Variants in NRXN1 observed in about 807,000 individuals in gnomAD.
NRXN1 encodes the protein neurexin 1.
NRXN1 carries 39 observed loss-of-function variants against 150.9 expected under a neutral mutation model. The observed-to-expected ratio is 0.26, with a 90% confidence interval of 0.20 to 0.34. NRXN1 has a LOEUF of 0.34. Among genes scored for constraint, NRXN1 ranks in the 10% least tolerant of loss-of-function variants. NRXN1 has a pLI of 1.00. For synonymous variants in NRXN1, 924 were observed against 757.0 expected (o/e 1.22, Z -3.62); for missense variants, 1,815 against 1,949.9 (o/e 0.93, Z 1.30).
chr2:50,924,225 A>G (rs2052328), intron 3 of NRXN1, among the ~76,000 whole-genome samples: 2 of 151,634 alleles, frequency 1.3e-5, no homozygotes, highest in South Asian at 2.1e-4. Flanking sequence ...TGCTACATCA[A>G]TAAGGATGGA....
intron 2 of NRXN1, 151 bp downstream of exon 2, chr2:51,027,351 G>C: frequency 1.3e-6 from 1 of 753,754 alleles, no homozygotes; most frequent in Admixed American, 3.6e-5. Flanking sequence ...GAGGTGGTAA[G>C]GTAGAGAGTC....
intron 17 of NRXN1, among the ~76,000 whole-genome samples, chr2:50,364,919 C>T (rs1469668350): frequency 6.6e-6 from 1 of 151,632 alleles, no homozygotes; most frequent in African/African-American, 2.4e-5. Flanking sequence ...TGCAAGAGAC[C>T]CCCAAACACA....
intron 5 of NRXN1, chr2:50,898,646 A>G (rs779811614): frequency 3.7e-5 from 16 of 435,974 alleles, no homozygotes; most frequent in Non-Finnish European, 4.1e-5. Flanking sequence ...TCTACAATCT[A>G]AATTCCCACA....
rs910540556 is a variant in NRXN1, at chr2:50,988,395, T to C, written c.772+39107A>G. On this transcript the variant is annotated intron_variant, in intron 2 of 22. Transcript: ENST00000401669. ...TGATGAAGTGAACAGTATGGCTTCA[T>C]GGCTTTTACTACTATGACAAACTAG... 2.6e-5 allele frequency among the ~76,000 whole-genome samples: 4 copies of C among 151,992 alleles called. No homozygotes were observed. In the South Asian group the frequency reaches 6.2e-4, roughly 24 times the overall value.
At chr2:50,247,814 C>T (rs531134759) in intron 17 of NRXN1, among the ~76,000 whole-genome samples, 9 of 152,224 alleles carry the variant, frequency 5.9e-5, no homozygotes, top group African/African-American at 2.2e-4. Flanking sequence ...TAAGGTCTGA[C>T]TCTTACTTAA....
At chr2:50,847,455 G>A (rs1673830004) in intron 5 of NRXN1, among the ~76,000 whole-genome samples, 1 of 151,980 alleles carries the variant, frequency 6.6e-6, no homozygotes. Flanking sequence ...GAGTGTGGTC[G>A]CTTTAAATGA....
At chr2:50,197,465 A>T (rs1279290136) in intron 18 of NRXN1, among the ~76,000 whole-genome samples, 1 of 152,166 alleles carries the variant, frequency 6.6e-6, no homozygotes, top group Non-Finnish European at 1.5e-5. Context: ...TCACCTTTTC[A>T]TTCACTTGAA....
chr2:50,346,868 C>A lies in NRXN1; in HGVS notation c.3365-109898G>T, dbSNP rs1221890401. 1.8e-5 allele frequency: 25 copies of A among 1,391,150 alleles called. No homozygotes were observed. The Middle Eastern group carries it at 6.8e-4, about 38-fold the overall frequency. The allele number at this position is 1,391,150 out of a possible 1,614,324, so 86.2% of individuals were successfully genotyped here. On this transcript the variant is annotated intron_variant, in intron 17 of 22. Coordinates refer to ENST00000401669, the MANE Select transcript of NRXN1 (RefSeq NM_001330078.2). This position sits in a 1 kb window ranked among gnomAD's most constrained non-coding sequence, Gnocchi z 5.0. Reference sequence around the variant, plus strand: ...ATCCAAAGCAGGGCCAGGCGCCCCCCTGCGCCGCCGCCGCCGCCGCCGCCG... The same window carrying A: ...ATCCAAAGCAGGGCCAGGCGCCCCCATGCGCCGCCGCCGCCGCCGCCGCCG...
chr2:50,094,963 G>A (rs1407227132), intron 18 of NRXN1, among the ~76,000 whole-genome samples: 2 of 152,106 alleles, frequency 1.3e-5, no homozygotes, highest in African/African-American at 2.4e-5. Context: ...TATAGGCTAA[G>A]CTCAACTAGA....
At chr2:50,330,572 A>G (rs1558539259) in intron 17 of NRXN1, among the ~76,000 whole-genome samples, 1 of 152,200 alleles carries the variant, frequency 6.6e-6, no homozygotes, top group South Asian at 2.1e-4. Flanking sequence ...CATTAAAAAA[A>G]TCCCCACAGT....
Position 50,587,555 on chromosome 2 carries a change from G to A in NRXN1, c.1320+32467C>T, listed in dbSNP as rs143144527. Among the ~76,000 whole-genome samples, 52 of 152,172 alleles carry A rather than the reference G, an allele frequency of 3.4e-4. 3 individuals carry two copies. ...ACTGAAAACCAAGACTCATACCATC[G>A]GTGATATGCTAGGTGAAGTTAAGTG... is the stretch of plus-strand genomic sequence containing the variant. On this transcript the variant is annotated intron_variant, in intron 8 of 22. Transcript: ENST00000401669.
intron 5 of NRXN1, among the ~76,000 whole-genome samples, chr2:50,816,040 A>T (rs1668883539): frequency 6.6e-6 from 1 of 152,316 alleles, no homozygotes; most frequent in South Asian, 2.1e-4. Context: ...CTTAAGTATA[A>T]TTAGTGCAAC....
chr2:50,718,137 C>G (rs996224821), intron 5 of NRXN1, among the ~76,000 whole-genome samples: 2 of 152,132 alleles, frequency 1.3e-5, no homozygotes, highest in Non-Finnish European at 2.9e-5. Context: ...AAAGGCAGCA[C>G]AGCATAGGTT....
At chr2:50,852,305 G>A (rs1369715863) in intron 5 of NRXN1, among the ~76,000 whole-genome samples, 1 of 152,162 alleles carries the variant, frequency 6.6e-6, no homozygotes, top group Non-Finnish European at 1.5e-5. Flanking sequence ...GGCAAAAAAG[G>A]CAAGAGGGAA....
At chr2:50,786,984 TATGCAAAGATGA>T (rs1173514239) in intron 5 of NRXN1, among the ~76,000 whole-genome samples, 1 of 152,110 alleles carries the variant, frequency 6.6e-6, no homozygotes, top group Non-Finnish European at 1.5e-5. Context: ...GCAAATGCAA[TATGCAAAGATGA>T]ATGCATTTAC....
intron 5 of NRXN1, among the ~76,000 whole-genome samples, chr2:50,656,712 C>T (rs1409350013): frequency 1.3e-5 from 2 of 151,376 alleles, no homozygotes; most frequent in African/African-American, 4.8e-5. Context: ...TCCATTCAAG[C>T]TCAAGGGCTA....
intron 21 of NRXN1, chr2:50,022,870 G>A (rs761323277): frequency 6.6e-6 from 1 of 152,210 alleles, no homozygotes; most frequent in Non-Finnish European, 1.5e-5. Context: ...CTGGTTGCCA[G>A]AATATCTTAT....
Position 49,993,751 on chromosome 2 carries a change from G to GAA in NRXN1, c.4129-49962_4129-49961dup, listed in dbSNP as rs200145722. Reference sequence around the variant, plus strand: ...AATTAAAAGACATTTAGAAATCATGGAAAAAATAGAAAAACGTAAGGCAAT... The same window carrying GAA: ...AATTAAAAGACATTTAGAAATCATGGAAAAAAAATAGAAAAACGTAAGGCAAT... On this transcript the variant is annotated intron_variant, in intron 21 of 22. Transcript: ENST00000401669. Among the ~76,000 whole-genome samples, 1,455 of 152,156 alleles carry GAA rather than the reference G, an allele frequency of 9.6e-3. 24 individuals carry two copies. The highest frequency in any genetic ancestry group is 0.033 in the African/African-American group (1,376 of 41,512).
At chr2:50,418,939 C>T (rs760848279) in intron 17 of NRXN1, among the ~76,000 whole-genome samples, 1 of 151,694 alleles carries the variant, frequency 6.6e-6, no homozygotes, top group African/African-American at 2.4e-5. Context: ...TTATTTTAAG[C>T]TTTTTATCAT....
Sources: allele counts gnomAD v4.1 joint callset (sites outside exome capture counted in the v4.1 genomes callset), GRCh38; gene constraint gnomAD v4.1.1; non-coding constraint Gnocchi (gnomAD v3.1); transcripts MANE v1.5; gene names NCBI Gene and HGNC (gene_info 2026-07-23, HGNC 2026-07-21).